Variants in KLHL1 observed in about 807,000 individuals in gnomAD.
The protein encoded by KLHL1 is kelch-like protein 1.
A neutral mutation model predicts 77.7 loss-of-function variants in KLHL1; 47 were observed. The ratio of observed to expected loss-of-function variants is 0.60; its 90% CI spans 0.48 to 0.77. The LOEUF is 0.77. Ranked by LOEUF, KLHL1 falls within the 30% of genes least tolerant of loss-of-function variation. The pLI, the probability that KLHL1 is intolerant of heterozygous loss-of-function variation, is 0.00. For synonymous variants in KLHL1, 360 were observed against 325.2 expected, an observed-to-expected ratio of 1.11 and a Z score of -1.15; for missense variants, 925 against 910.8, an observed-to-expected ratio of 1.02 and a Z score of -0.20.
intron 4 of KLHL1, among the ~76,000 whole-genome samples, chr13:69,930,753 A>G (rs1882974779): frequency 6.6e-6 from 1 of 151,786 alleles, no homozygotes; most frequent in Admixed American, 6.6e-5. Context: ...TGATCTGTGG[A>G]AAGTGTGGAT....
At chr13:69,827,974 T>C (rs1319163196) in intron 6 of KLHL1, among the ~76,000 whole-genome samples, 1 of 149,920 alleles carries the variant, frequency 6.7e-6, no homozygotes, top group Admixed American at 6.7e-5. Context: ...TATATGGTGG[T>C]GTTTGGAAGA....
chr13:69,855,813 A>AAT (rs1411418628), intron 5 of KLHL1, among the ~76,000 whole-genome samples: 156 of 147,812 alleles, frequency 1.1e-3, no homozygotes, highest in African/African-American at 3.6e-3. Context: ...ACGGACTAAT[A>AAT]ATATATATAG....
At chr13:69,887,093 G>A (rs1229965518) in intron 4 of KLHL1, among the ~76,000 whole-genome samples, 2 of 152,098 alleles carry the variant, frequency 1.3e-5, no homozygotes, top group Admixed American at 6.6e-5. Flanking sequence ...TAATCTTTGG[G>A]TCTAATGTTT....
chr13:69,774,514 A>G (rs1217398143), intron 7 of KLHL1, among the ~76,000 whole-genome samples: 2 of 152,008 alleles, frequency 1.3e-5, no homozygotes, highest in African/African-American at 2.4e-5. Context: ...GAAAAATGGT[A>G]TGAGTTCATT....
In KLHL1 at chr13:70,070,146, C is replaced by T. The variant is rs114459897; in HGVS notation, c.497+37057G>A. Among the ~76,000 whole-genome samples the T allele has an allele frequency of 6.1e-3, 864 of 142,086 alleles. 10 individuals are homozygous for T. The highest frequency in any genetic ancestry group is 0.021 in the African/African-American group (794 of 37,936). 93.2% of individuals were successfully genotyped at this position (142,086 alleles called of 152,430 possible). ...CCAGCCTGGGTGACAGAGTGAGACT[C>T]GTCTCGAAAAAAAAAAAAGAAGCAG... On this transcript the variant is annotated intron_variant, in intron 1 of 10. Transcript: ENST00000377844.
At chr13:69,924,515 G>A (rs1186668565) in intron 4 of KLHL1, among the ~76,000 whole-genome samples, 4 of 152,132 alleles carry the variant, frequency 2.6e-5, no homozygotes. Flanking sequence ...TAGCTGCAGA[G>A]TGAAGCTACC....
chr13:70,098,753 T>A (rs1887851248), intron 1 of KLHL1, among the ~76,000 whole-genome samples: 1 of 151,750 alleles, frequency 6.6e-6, no homozygotes. Flanking sequence ...CACAGAGCAT[T>A]TTTTACTATC....
chr13:69,940,951 T>C (rs1038637144), intron 3 of KLHL1, among the ~76,000 whole-genome samples: 8 of 152,004 alleles, frequency 5.3e-5, no homozygotes, highest in African/African-American at 1.4e-4. Context: ...TACATTTTAA[T>C]TAGTAATTCA....
chr13:70,032,289 A>G (rs1033024796), intron 1 of KLHL1, among the ~76,000 whole-genome samples: 1 of 152,234 alleles, frequency 6.6e-6, no homozygotes. Context: ...CCCGAAGTCC[A>G]AAAGCTTGGA....
At chr13:69,819,411 TA>T (rs1878250038) in intron 6 of KLHL1, among the ~76,000 whole-genome samples, 1 of 152,228 alleles carries the variant, frequency 6.6e-6, no homozygotes, top group African/African-American at 2.4e-5. Flanking sequence ...ATTAAGCTTT[TA>T]TTTTATACTT....
rs1233028079 is a variant in KLHL1 at position 69,819,286 on chromosome 13, A to ACT, written c.1414+19689_1414+19690insAG. Among the ~76,000 whole-genome samples the ACT allele has an allele frequency of 9.2e-5, 14 of 152,342 alleles. No homozygotes were observed. The South Asian group carries it at 2.9e-3, about 32-fold the overall frequency. ...GACAAATATCAGGGGTTTAATCCTT[A>ACT]AAGTTATGTAATTTACTAATTTAAA... is the stretch of plus-strand genomic sequence containing the variant. On this transcript the variant is annotated intron_variant, in intron 6 of 10. Transcript: ENST00000377844.
intron 5 of KLHL1, among the ~76,000 whole-genome samples, chr13:69,857,691 G>T (rs1221639337): frequency 2.0e-5 from 3 of 151,642 alleles, no homozygotes; most frequent in Admixed American, 6.6e-5. Context: ...AGTATTTCAG[G>T]GTTAAATTTA....
intron 4 of KLHL1, among the ~76,000 whole-genome samples, chr13:69,902,857 C>A (rs1289291408): frequency 6.6e-6 from 1 of 151,932 alleles, no homozygotes; most frequent in South Asian, 2.1e-4. Flanking sequence ...TATACATATG[C>A]AACTAACCTG....
At position 70,108,169 on chromosome 13, in the gene KLHL1, C is replaced by A; in HGVS notation, c.-470G>T. The A allele has an allele frequency of 2.5e-6, 1 of 399,800 alleles. No individual in the cohort carries two copies. The highest frequency in any genetic ancestry group is 4.4e-6 in the Non-Finnish European group (1 of 227,574). 24.8% of individuals were successfully genotyped at this position (399,800 alleles called of 1,614,324 possible). On this transcript the variant is annotated 5_prime_UTR_variant, in exon 1 of 11. Transcript: ENST00000377844. ...GGTGGTGGCGTTCTTGTCCTTGCAG[C>A]TCAGAGTTCAGTGTCTGGAGAGCGC...
At chr13:69,751,630 A>G (rs1448140003) in intron 7 of KLHL1, among the ~76,000 whole-genome samples, 1 of 152,144 alleles carries the variant, frequency 6.6e-6, no homozygotes, top group African/African-American at 2.4e-5. Flanking sequence ...GATGTACAAT[A>G]AGGCTAAATG....
At chr13:69,775,433 C>T (rs1875777004) in intron 7 of KLHL1, among the ~76,000 whole-genome samples, 1 of 151,926 alleles carries the variant, frequency 6.6e-6, no homozygotes, top group African/African-American at 2.4e-5. Context: ...ATAGGGTATA[C>T]TCTTTTAATT....
intron 5 of KLHL1, among the ~76,000 whole-genome samples, chr13:69,849,509 T>A (rs1367060866): frequency 6.6e-6 from 1 of 151,474 alleles, no homozygotes; most frequent in Non-Finnish European, 1.5e-5. Flanking sequence ...TCTATCTTAC[T>A]GTCCTTAATG....
chr13:70,098,138 C>A (rs914570649), intron 1 of KLHL1, among the ~76,000 whole-genome samples: 4 of 151,738 alleles, frequency 2.6e-5, no homozygotes, highest in African/African-American at 9.7e-5. Context: ...ACATTGCTAG[C>A]TCAACTGTTA....
At chr13:69,921,378 G>T (rs1477501051) in intron 4 of KLHL1, among the ~76,000 whole-genome samples, 3 of 152,190 alleles carry the variant, frequency 2.0e-5, no homozygotes, top group Admixed American at 2.0e-4. Flanking sequence ...CACAGCAGTG[G>T]TTCAGGTGTT....
Sources: allele counts gnomAD v4.1 joint callset (sites outside exome capture counted in the v4.1 genomes callset), GRCh38; gene constraint gnomAD v4.1.1; transcripts MANE v1.5; gene names NCBI Gene and HGNC (gene_info 2026-07-23, HGNC 2026-07-21).